The following ACTN4 variants were observed in gnomAD, a reference collection of about 807,000 sequenced individuals.
ACTN4 encodes the protein actinin alpha 4, also known as alpha-actinin-4.
A neutral mutation model predicts 114.2 loss-of-function variants in ACTN4; 18 were observed. That is an observed-to-expected ratio of 0.16 (90% CI 0.11 to 0.23). The LOEUF (loss-of-function observed/expected upper bound fraction) is 0.23, where lower values mean the gene tolerates loss of function less well. Among genes scored for constraint, ACTN4 ranks in the 10% least tolerant of loss-of-function variants. The pLI is 1.00. For missense variants in ACTN4, 722 were observed against 1,262.9 expected, an observed-to-expected ratio of 0.57 and a Z score of 6.49; for synonymous variants, 515 against 506.3, an observed-to-expected ratio of 1.02 and a Z score of -0.23.
intron 1 of ACTN4, among the ~76,000 whole-genome samples, chr19:38,694,586 C>T (rs192121289): frequency 1.2e-3 from 176 of 152,092 alleles, no homozygotes; most frequent in African/African-American, 4.1e-3. Context: ...TGACCTGACT[C>T]TGCTGTCTCT....
At position 38,700,623 on chromosome 19, in the gene ACTN4, C is replaced by T. The variant is rs1445885621; in HGVS notation, c.186C>T (p.Ser62=). The change falls in exon 2 of 21, where the codon TCC becomes TCT. Residue 62 remains serine, a synonymous_variant. Transcript: ENST00000252699. ...AGACCTTCACGGCATGGTGCAACTC[C>T]CACCTGCGGAAGGCAGGCACACAGA... ...QRKTFTAWCN[S]HLRKAGTQIE... 2 of 1,614,018 alleles carry T rather than the reference C, an allele frequency of 1.2e-6. No homozygotes were observed. Among genetic ancestry groups the T allele is most frequent in the Non-Finnish European group, 1.7e-6 (2 of 1,179,994 alleles).
At chr19:38,698,730 C>T (rs987943585) in intron 1 of ACTN4, among the ~76,000 whole-genome samples, 4 of 152,198 alleles carry the variant, frequency 2.6e-5, no homozygotes, top group Non-Finnish European at 4.4e-5. Flanking sequence ...TAGAGGAATT[C>T]TCCATGGTGA....
intron 1 of ACTN4, among the ~76,000 whole-genome samples, chr19:38,651,568 C>T (rs908394244): frequency 2.0e-5 from 3 of 152,036 alleles, no homozygotes; most frequent in Admixed American, 6.6e-5. Context: ...GCTAAGTTTT[C>T]GTGTTCATTG....
Position 38,709,361 on chromosome 19 carries a change from G to A in ACTN4, c.652-34G>A, listed in dbSNP as rs58197765. ...TCCTGCTCCTGCACCCTGCCCTGAC[G>A]GAGTTCTTGTTGTCCCCACTTGCCT... On this transcript the variant is annotated intron_variant, in intron 6 of 20. Transcript: ENST00000252699. 1.5e-4 allele frequency: 227 copies of A among 1,532,308 alleles called. No individual in the cohort carries two copies. Among genetic ancestry groups the A allele is most frequent in the Non-Finnish European group, 1.9e-4 (210 of 1,105,714 alleles). The allele number at this position is 1,532,308 out of a possible 1,614,324, so 94.9% of individuals were successfully genotyped here.
chr19:38,704,618 G>A (rs910258454), intron 3 of ACTN4, among the ~76,000 whole-genome samples: 38 of 152,322 alleles, frequency 2.5e-4, no homozygotes, highest in African/African-American at 8.4e-4. Context: ...GAGGCCACAC[G>A]CCTGGGACCA....
intron 1 of ACTN4, among the ~76,000 whole-genome samples, chr19:38,659,690 A>G (rs76576685): frequency 0.023 from 3,561 of 152,328 alleles, 53 homozygotes; most frequent in Middle Eastern, 0.058. Context: ...GGGTTAGCTT[A>G]GGAGACAACT....
intron 8 of ACTN4, among the ~76,000 whole-genome samples, chr19:38,712,010 G>C (rs1290206027): frequency 6.6e-6 from 1 of 152,228 alleles, no homozygotes; most frequent in Non-Finnish European, 1.5e-5. Context: ...AGTATCTCAG[G>C]CAGCATTCCC....
At chr19:38,658,942 C>T (rs557269764) in intron 1 of ACTN4, among the ~76,000 whole-genome samples, 56 of 152,116 alleles carry the variant, frequency 3.7e-4, no homozygotes, top group African/African-American at 1.3e-3. Context: ...TATAATCACC[C>T]GACACTGTGT....
At chr19:38,728,902 C>A in intron 19 of ACTN4, 94 bp from the exon 20 acceptor site, 1 of 1,532,260 alleles carries the variant, frequency 6.5e-7, no homozygotes, top group South Asian at 1.1e-5. Context: ...GCCCTACTCT[C>A]TCGGCTGTTT....
At chr19:38,667,753 T>C (rs1427420133) in intron 1 of ACTN4, among the ~76,000 whole-genome samples, 1 of 151,628 alleles carries the variant, frequency 6.6e-6, no homozygotes, top group Non-Finnish European at 1.5e-5. Context: ...TGCCAGTGAC[T>C]TGGCATCTCT....
rs529813806 is a variant in ACTN4, at chr19:38,697,536, T to C, written c.163-3064T>C. Among the ~76,000 whole-genome samples the C allele has an allele frequency of 2.0e-4, 31 of 152,376 alleles. No homozygotes were observed. In the South Asian group the frequency reaches 6.2e-3, roughly 31 times the overall value. ...ACAGACTTAAGTAGGTAAAGTCACTTGGTTGAAAACATGGAATGAGTAAGC... is the reference window on the plus strand; with the variant it reads ...ACAGACTTAAGTAGGTAAAGTCACTCGGTTGAAAACATGGAATGAGTAAGC... On this transcript the variant is annotated intron_variant, in intron 1 of 20. Transcript: ENST00000252699.
At chr19:38,664,117 C>A (rs548306293) in intron 1 of ACTN4, among the ~76,000 whole-genome samples, 1 of 152,336 alleles carries the variant, frequency 6.6e-6, no homozygotes, top group East Asian at 1.9e-4. Flanking sequence ...TGGGTTGCCA[C>A]AGCTCCTCTG....
At chr19:38,649,689 C>T (rs1295865495) in intron 1 of ACTN4, among the ~76,000 whole-genome samples, 1 of 151,798 alleles carries the variant, frequency 6.6e-6, no homozygotes, top group African/African-American at 2.4e-5. Flanking sequence ...GAGTGGTGAC[C>T]TGGCAGAGTG....
chr19:38,666,223 T>TC (rs3840936), intron 1 of ACTN4, among the ~76,000 whole-genome samples: 49,401 of 150,910 alleles, frequency 0.33, 9,773 homozygotes, highest in Non-Finnish European at 0.45. Flanking sequence ...TTCGCCCCTG[T>TC]CCCCCCCAAA....
intron 6 of ACTN4, 77 bp downstream of exon 6, chr19:38,708,272 T>C: frequency 6.7e-7 from 1 of 1,488,370 alleles, no homozygotes; most frequent in Non-Finnish European, 9.4e-7. Context: ...ACCATCCCCA[T>C]GCCCTTCCAT....
intron 1 of ACTN4, among the ~76,000 whole-genome samples, chr19:38,688,131 G>A (rs569330827): frequency 6.6e-6 from 1 of 152,128 alleles, no homozygotes; most frequent in Non-Finnish European, 1.5e-5. Context: ...AACGTGGTTG[G>A]GCCTGGTGGC....
At chr19:38,722,826 T>C (rs1010681940) in intron 12 of ACTN4, among the ~76,000 whole-genome samples, 4 of 152,102 alleles carry the variant, frequency 2.6e-5, no homozygotes, top group African/African-American at 9.7e-5. Context: ...GGCAAAGCTA[T>C]GTGAAACCCA....
intron 7 of ACTN4, among the ~76,000 whole-genome samples, chr19:38,709,997 T>C (rs1968589315): frequency 6.6e-6 from 1 of 151,972 alleles, no homozygotes; most frequent in Non-Finnish European, 1.5e-5. Flanking sequence ...GCCCTTGGAG[T>C]TGACTGTCCT....
At chr19:38,691,548 A>G (rs1967931459) in intron 1 of ACTN4, among the ~76,000 whole-genome samples, 1 of 152,138 alleles carries the variant, frequency 6.6e-6, no homozygotes, top group Non-Finnish European at 1.5e-5. Flanking sequence ...AACCAGCTCT[A>G]TAAAGAGCTA....
Sources: gnomAD v4.1 joint callset for allele counts (sites outside exome capture counted in the v4.1 genomes callset) on GRCh38, gnomAD v4.1.1 for gene constraint, MANE v1.5 for transcripts, NCBI Gene and HGNC (gene_info 2026-07-23, HGNC 2026-07-21) for gene names.